The following ITPRIP variants were observed in gnomAD, a reference collection of about 807,000 sequenced individuals.
ITPRIP encodes inositol 1,4,5-trisphosphate receptor interacting protein.
In ITPRIP, 32 loss-of-function variants were observed where a neutral mutation model predicts 35.8. The observed-to-expected ratio is 0.89, with a 90% CI of 0.68 to 1.20. ITPRIP has a LOEUF of 1.20. Ranked by LOEUF, ITPRIP falls within the 50% of genes most tolerant of loss-of-function variation. The probability of loss-of-function intolerance (pLI) is 0.00; values close to 1 mark genes in which losing one functional copy is unlikely to be tolerated. For synonymous variants in ITPRIP, 358 were observed against 324.0 expected, an observed-to-expected ratio of 1.11 and a Z score of -1.13; for missense variants, 653 against 735.6, an observed-to-expected ratio of 0.89 and a Z score of 1.30.
intron 1 of ITPRIP, among the ~76,000 whole-genome samples, chr10:104,336,950 G>T (rs1448194536): frequency 6.6e-6 from 1 of 152,190 alleles, no homozygotes; most frequent in African/African-American, 2.4e-5. Flanking sequence ...AATGCACCCA[G>T]GGAGAGCAGA....
At position 104,315,531 on chromosome 10, in the gene ITPRIP, G is replaced by T. The variant is rs778461193; in HGVS notation, c.521C>A (p.Ala174Asp). Residue 174 changes from alanine (A) to aspartate (D), a missense_variant, in exon 2 of 2, where the codon GCC (alanine) becomes GAC (aspartate). By Grantham distance (126) the Ala-to-Asp change is moderately radical. Coordinates refer to ENST00000337478, the MANE Select transcript of ITPRIP (RefSeq NM_001272013.2). The surrounding 1 kb of genome is among the most constrained non-coding windows in gnomAD (Gnocchi z 5.7). ...LEGFVDDLLE[A>D]LRSLCNRDTD... Reference sequence around the variant, plus strand: ...GTCCCGGTTGCAGAGGCTCCTCAGGGCTTCCAGCAAGTCATCCACGAAGCC... The same window carrying T: ...GTCCCGGTTGCAGAGGCTCCTCAGGTCTTCCAGCAAGTCATCCACGAAGCC... 2.5e-6 allele frequency: 4 copies of T among 1,614,222 alleles called. No individual in the cohort carries two copies. Among genetic ancestry groups the T allele is most frequent in the East Asian group, 2.2e-5 (1 of 44,880 alleles).
intron 1 of ITPRIP, among the ~76,000 whole-genome samples, chr10:104,316,933 C>T (rs1393393585): frequency 1.3e-5 from 2 of 152,202 alleles, no homozygotes; most frequent in Admixed American, 1.3e-4. Flanking sequence ...CCCTGGTTTC[C>T]TTACTGCACA....
intron 1 of ITPRIP, among the ~76,000 whole-genome samples, chr10:104,335,932 G>GAA (rs55637963): frequency 9.0e-5 from 13 of 144,484 alleles, no homozygotes; most frequent in Middle Eastern, 3.6e-3. Flanking sequence ...TACTTTTGGG[G>GAA]AAAAAAAAAA....
In ITPRIP at chr10:104,314,632, G is replaced by A. The variant is rs541106500; in HGVS notation, c.1420C>T (p.Leu474Phe). 1 of 1,614,112 alleles carries A rather than the reference G, an allele frequency of 6.2e-7. No individual in the cohort carries two copies. Among genetic ancestry groups the A allele is most frequent in the Admixed American group, 1.7e-5 (1 of 60,032 alleles). ...FLEKSLLQKK[L>F]HHFFIGNRKV... ...CGGTTGCCGATGAAGAAGTGGTGGA[G>A]CTTCTTCTGGAGCAAGCTCTTCTCC... is the stretch of plus-strand genomic sequence containing the variant. Residue 474 changes from leucine (L) to phenylalanine (F), a missense_variant, in exon 2 of 2, where the codon CTC becomes TTC. Coordinates refer to ENST00000337478, the MANE Select transcript of ITPRIP (RefSeq NM_001272013.2).
chr10:104,315,647 G>A lies in ITPRIP; in HGVS notation c.405C>T (p.Thr135=), dbSNP rs1379970172. The A allele has an allele frequency of 1.2e-6, 2 of 1,612,322 alleles. No individual in the cohort carries two copies. Among genetic ancestry groups the A allele is most frequent in the Non-Finnish European group, 1.7e-6 (2 of 1,179,896 alleles). ...GGCCAAGCGTGGCCTTGTTGGGCAG[G>A]GTGAGGCCCTGCAAGGGGGCGCCCC... ...GLGGAPLQGL[T]LPNKATLGHF... The change falls in exon 2 of 2, where the codon ACC becomes ACT. Residue 135 remains threonine (T), a synonymous_variant. Transcript: ENST00000337478. This position sits in a 1 kb window ranked among gnomAD's most constrained non-coding sequence, Gnocchi z 5.7.
Position 104,313,537 on chromosome 10 carries a change from T to C in ITPRIP, c.*871A>G, listed in dbSNP as rs2013543675. Reference sequence around the variant, plus strand: ...CTTTCTCCAGGTCAGCTTCCACCTTTAGCATCTGTCCTCCCCCTACCACAA... The same window carrying C: ...CTTTCTCCAGGTCAGCTTCCACCTTCAGCATCTGTCCTCCCCCTACCACAA... On this transcript the variant is annotated 3_prime_UTR_variant, in exon 2 of 2. Coordinates refer to ENST00000337478, the MANE Select transcript of ITPRIP (RefSeq NM_001272013.2). 20 of 985,382 alleles carry C rather than the reference T, an allele frequency of 2.0e-5. No individual in the cohort carries two copies. The highest frequency in any genetic ancestry group is 2.3e-5 in the Non-Finnish European group (19 of 830,020). 61.0% of individuals were successfully genotyped at this position (985,382 alleles called of 1,614,324 possible).
chr10:104,329,081 G>GCA (rs1284515997), intron 1 of ITPRIP, among the ~76,000 whole-genome samples: 2 of 150,872 alleles, frequency 1.3e-5, no homozygotes, highest in African/African-American at 4.9e-5. Flanking sequence ...ACACATGCAC[G>GCA]CACACACACA....
chr10:104,337,490 T>C (rs193057853), intron 1 of ITPRIP, among the ~76,000 whole-genome samples: 1,964 of 152,246 alleles, frequency 0.013, 21 homozygotes, highest in Non-Finnish European at 0.021. Context: ...CGGTGGCTTT[T>C]TTTTTCTTTT....
At chr10:104,329,963 C>T (rs1312797578) in intron 1 of ITPRIP, among the ~76,000 whole-genome samples, 1 of 152,158 alleles carries the variant, frequency 6.6e-6, no homozygotes, top group Non-Finnish European at 1.5e-5. Flanking sequence ...CCTCCAGAAG[C>T]CTGGGGAGTA....
chr10:104,316,454 G>A (rs1254692534), intron 1 of ITPRIP, among the ~76,000 whole-genome samples: 1 of 152,140 alleles, frequency 6.6e-6, no homozygotes, highest in Non-Finnish European at 1.5e-5. Context: ...ATTGGTTCTG[G>A]GATGAGCATT....
rs142514148 is a variant in ITPRIP at position 104,319,930 on chromosome 10, G to T, written c.-13-3866C>A. Among the ~76,000 whole-genome samples, 224 of 152,154 alleles carry T rather than the reference G, an allele frequency of 1.5e-3. 6 individuals carry two copies. In the East Asian group the frequency reaches 0.034, roughly 23 times the overall value. ...CATTAACGTTAAAACAGAGATCCTA[G>T]GAGTGACAAAACAGACTCTGTAGCA... On this transcript the variant is annotated intron_variant, in intron 1 of 1. Coordinates refer to ENST00000337478, the MANE Select transcript of ITPRIP (RefSeq NM_001272013.2).
rs1042205009 is a variant in ITPRIP at position 104,311,175 on chromosome 10, T to G, written c.*3233A>C. 5 of 152,246 alleles carry G rather than the reference T, an allele frequency of 3.3e-5. No homozygotes were observed. The highest frequency in any genetic ancestry group is 1.2e-4 in the African/African-American group (5 of 41,446). 9.4% of individuals were successfully genotyped at this position (152,246 alleles called of 1,614,324 possible). ...ACCCTCTCTCTGAGGCTTACGGCAC[T>G]AGCGTGAATGTGGGTGCCCTCATGA... On this transcript the variant is annotated 3_prime_UTR_variant, in exon 2 of 2. Transcript: ENST00000337478.
At chr10:104,329,511 A>G (rs1424385262) in intron 1 of ITPRIP, among the ~76,000 whole-genome samples, 1 of 152,092 alleles carries the variant, frequency 6.6e-6, no homozygotes, top group African/African-American at 2.4e-5. Context: ...GTGTCCAAAT[A>G]ATGCCTGCTG....
Position 104,313,669 on chromosome 10 carries a change from G to T in ITPRIP, c.*739C>A, listed in dbSNP as rs375195390. ...ACCACGCTCGGGACCCAGTACGTTG[G>T]GGAAAGGACAGCAGAAGGGGGTGCA... On this transcript the variant is annotated 3_prime_UTR_variant, in exon 2 of 2. Transcript: ENST00000337478. The T allele has an allele frequency of 2.3e-5, 23 of 985,542 alleles. No individual in the cohort carries two copies. The African/African-American group carries it at 3.7e-4, about 16-fold the overall frequency. The allele number at this position is 985,542 out of a possible 1,614,324, so 61.0% of individuals were successfully genotyped here.
rs2013662551 is a variant in ITPRIP, at chr10:104,315,862, C to T, written c.190G>A (p.Ala64Thr). The change falls in exon 2 of 2, where the codon GCC becomes ACC. Residue 64 changes from alanine to threonine, a missense_variant. Ala to Thr is a moderately conservative substitution (Grantham distance 58, BLOSUM62 0). Coordinates refer to ENST00000337478, the MANE Select transcript of ITPRIP (RefSeq NM_001272013.2). This position sits in a 1 kb window ranked among gnomAD's most constrained non-coding sequence, Gnocchi z 5.7. ...ACCTGCTCCAGTGCCTCCTTTTCGG[C>T]CGCCAGCCGAGCCACCTCCTCCTCC... ...RLEEEVARLA[A>T]EKEALEQVAE... 1.2e-6 allele frequency: 2 copies of T among 1,612,936 alleles called. No homozygotes were observed. The highest frequency in any genetic ancestry group is 2.7e-5 in the African/African-American group (2 of 74,924).
rs145218009 is a variant in ITPRIP, at chr10:104,314,964, G to T, written c.1088C>A (p.Ser363Tyr). 2.5e-6 allele frequency: 4 copies of T among 1,613,872 alleles called. No individual in the cohort carries two copies. Among genetic ancestry groups the T allele is most frequent in the Non-Finnish European group, 3.4e-6 (4 of 1,180,026 alleles). ...CTCAGAGGGCTCCCTGGGAAGGTGG[G>T]AGACAAAGTACAGGTCCGAGTCATC... Reference protein sequence around the residue: ...QCDDSDLYFVSHLPREPSEGT... With the variant: ...QCDDSDLYFVYHLPREPSEGT... The change falls in exon 2 of 2, where the codon TCC becomes TAC. Residue 363 changes from serine (S) to tyrosine (Y), a missense_variant. Physicochemically the swap from Ser to Tyr is moderately radical, Grantham distance 144 (BLOSUM62 -2). Transcript: ENST00000337478.
intron 1 of ITPRIP, among the ~76,000 whole-genome samples, chr10:104,322,025 T>C (rs1387365424): frequency 6.6e-6 from 1 of 152,118 alleles, no homozygotes; most frequent in Non-Finnish European, 1.5e-5. Context: ...AGCCACTACG[T>C]ATGGAGTCCC....
chr10:104,319,709 G>A (rs1263245717), intron 1 of ITPRIP, among the ~76,000 whole-genome samples: 1 of 152,196 alleles, frequency 6.6e-6, no homozygotes, highest in East Asian at 1.9e-4. Flanking sequence ...TCAGTTTGAA[G>A]CCTCTGGTAC....
chr10:104,313,146 G>T lies in ITPRIP; in HGVS notation c.*1262C>A, dbSNP rs1481752552. The T allele has an allele frequency of 2.0e-6, 2 of 985,512 alleles. No individual in the cohort carries two copies. Among genetic ancestry groups the T allele is most frequent in the Non-Finnish European group, 1.2e-6 (1 of 830,016 alleles). 61.0% of individuals were successfully genotyped at this position (985,512 alleles called of 1,614,324 possible). ...GTGAGGAACTAGGGGCTCAGAGCCT[G>T]CAGACTGGAGCTAGGTTTCCATAGT... is the stretch of plus-strand genomic sequence containing the variant. On this transcript the variant is annotated 3_prime_UTR_variant, in exon 2 of 2. Transcript: ENST00000337478.
Sources: allele counts gnomAD v4.1 joint callset (sites outside exome capture counted in the v4.1 genomes callset), GRCh38; gene constraint gnomAD v4.1.1; non-coding constraint Gnocchi (gnomAD v3.1); transcripts MANE v1.5; gene names NCBI Gene and HGNC (gene_info 2026-07-23, HGNC 2026-07-21).